EFNB2: variants seen among roughly 807,000 people sequenced by gnomAD.
EFNB2 encodes the protein ephrin B2, also known as ephrin-B2.
Under a neutral mutation model 32.1 loss-of-function variants are expected in EFNB2, and 5 were observed. The ratio of observed to expected loss-of-function variants is 0.16; its 90% CI spans 0.08 to 0.33. The LOEUF (loss-of-function observed/expected upper bound fraction) is 0.33, where lower values mean the gene tolerates loss of function less well. Ranked by LOEUF, EFNB2 falls within the 10% of genes least tolerant of loss-of-function variation. EFNB2 has a pLI of 1.00. For synonymous variants in EFNB2, 168 were observed against 166.5 expected (o/e 1.01, Z -0.07); for missense variants, 263 against 422.6 (o/e 0.62, Z 3.31).
rs1212264958 is a variant in EFNB2 at position 106,518,024 on chromosome 13, T to C, written c.123-5212A>G. The C allele has an allele frequency of 1.3e-5, 2 of 152,216 alleles. No homozygotes were observed. The highest frequency in any genetic ancestry group is 1.3e-4 in the Admixed American group (2 of 15,282). 9.4% of individuals were successfully genotyped at this position (152,216 alleles called of 1,614,324 possible). On this transcript the variant is annotated intron_variant, in intron 1 of 4. Transcript: ENST00000646441. This position sits in a 1 kb window ranked among gnomAD's most constrained non-coding sequence, Gnocchi z 4.1. ...TTTAGACATTTCAACTTCACAGTCA[T>C]AATTGTAAAAACTTTAAAAAATAGT... is the stretch of plus-strand genomic sequence containing the variant.
At chr13:106,526,406 C>T (rs755279938) in intron 1 of EFNB2, among the ~76,000 whole-genome samples, 3 of 152,104 alleles carry the variant, frequency 2.0e-5, no homozygotes, top group African/African-American at 7.2e-5. Context: ...TCAATCATGA[C>T]GTACCGTGTA....
intron 2 of EFNB2, among the ~76,000 whole-genome samples, chr13:106,507,898 T>A (rs1023303741): frequency 1.3e-5 from 2 of 152,248 alleles, no homozygotes; most frequent in African/African-American, 4.8e-5. Flanking sequence ...AAAAGCCATA[T>A]GAAGCTAAAT....
At position 106,493,442 on chromosome 13, in the gene EFNB2, G is replaced by A. The variant is rs751293497; in HGVS notation, c.614-14C>T. ...CTGTGCTAGAACCTGCAGACGCGGA[G>A]ACAGAAAAGGTCAGAGATAGTTACT... On this transcript the variant is annotated splice_polypyrimidine_tract_variant and intron_variant, in intron 4 of 4. Transcript: ENST00000646441. The surrounding 1 kb of genome is among the most constrained non-coding windows in gnomAD (Gnocchi z 6.1). 38 of 1,597,592 alleles carry A rather than the reference G, an allele frequency of 2.4e-5. No homozygotes were observed. The highest frequency in any genetic ancestry group is 3.1e-5 in the Non-Finnish European group (36 of 1,170,168).
Position 106,512,698 on chromosome 13 carries a change from A to G in EFNB2, c.237T>C (p.Tyr79=). ...TVGQYEYYKV[Y]MVDKDQADRC... is the part of the protein sequence containing the mutation. ...TGTCTGCTTGGTCTTTATCAACCAT[A>G]TAAACTTTATAATATTCATACTGGC... Residue 79 remains tyrosine (Y), a synonymous_variant, in exon 2 of 5, where the codon TAT becomes TAC. Coordinates refer to ENST00000646441, the MANE Select transcript of EFNB2 (RefSeq NM_004093.4). 6.2e-7 allele frequency: 1 copy of G among 1,613,846 alleles called. No individual in the cohort carries two copies. Among genetic ancestry groups the G allele is most frequent in the Non-Finnish European group, 8.5e-7 (1 of 1,179,950 alleles).
intron 1 of EFNB2, chr13:106,521,306 C>G (rs903890106): frequency 2.0e-5 from 3 of 152,184 alleles, no homozygotes; most frequent in Non-Finnish European, 4.4e-5. Context: ...CACAGAAATT[C>G]AAACACACGG....
intron 1 of EFNB2, among the ~76,000 whole-genome samples, chr13:106,530,191 C>G (rs1468357541): frequency 6.6e-6 from 1 of 152,058 alleles, no homozygotes. Context: ...CCAAGCTGTT[C>G]GGAACATGTC....
At chr13:106,501,715 C>T (rs1282681191) in intron 2 of EFNB2, among the ~76,000 whole-genome samples, 1 of 151,960 alleles carries the variant, frequency 6.6e-6, no homozygotes, top group Non-Finnish European at 1.5e-5. Context: ...GCCTCAGCCT[C>T]CCGAGTAGCT....
intron 2 of EFNB2, among the ~76,000 whole-genome samples, chr13:106,498,827 GA>G (rs1878677644): frequency 6.6e-6 from 1 of 152,180 alleles, no homozygotes; most frequent in Admixed American, 6.5e-5. Context: ...TGAACAGTCT[GA>G]ATGCAGACAG....
At chr13:106,534,019 T>A (rs1879970286) in intron 1 of EFNB2, among the ~76,000 whole-genome samples, 1 of 152,166 alleles carries the variant, frequency 6.6e-6, no homozygotes, top group Non-Finnish European at 1.5e-5. Context: ...AATCTGATCC[T>A]AAGGATCCCA....
Position 106,492,906 on chromosome 13 carries a change from C to T in EFNB2, c.*134G>A. ...AAGCTGTCCAGCGCGACGGGCTCTT[C>T]CGAGGAGGAGTGTCCCTCTCCCCCG... On this transcript the variant is annotated 3_prime_UTR_variant, in exon 5 of 5. Transcript: ENST00000646441. This position sits in a 1 kb window ranked among gnomAD's most constrained non-coding sequence, Gnocchi z 5.1. 8.0e-7 allele frequency: 1 copy of T among 1,245,216 alleles called. No individual in the cohort carries two copies. Among genetic ancestry groups the T allele is most frequent in the Non-Finnish European group, 1.1e-6 (1 of 909,182 alleles). 77.1% of individuals were successfully genotyped at this position (1,245,216 alleles called of 1,614,324 possible).
intron 3 of EFNB2, 49 bp from the exon 4 acceptor site, chr13:106,495,043 C>G (rs753705091): frequency 4.1e-6 from 6 of 1,457,952 alleles, no homozygotes; most frequent in Non-Finnish European, 3.9e-6. Context: ...CTGACAATAT[C>G]TAGCTTTAGG....
At chr13:106,532,697 A>G (rs956925789) in intron 1 of EFNB2, among the ~76,000 whole-genome samples, 2 of 152,084 alleles carry the variant, frequency 1.3e-5, no homozygotes, top group African/African-American at 4.8e-5. Context: ...TTTAAAAGAA[A>G]TGCTGCTGTG....
intron 1 of EFNB2, chr13:106,517,872 C>T (rs1019595977): frequency 6.6e-6 from 1 of 152,206 alleles, no homozygotes; most frequent in Non-Finnish European, 1.5e-5. Context: ...ACCTATTGAA[C>T]TTAAGCCAAG....
intron 1 of EFNB2, chr13:106,520,978 C>A (rs1251866624): frequency 1.3e-5 from 2 of 152,116 alleles, no homozygotes; most frequent in South Asian, 2.1e-4. Flanking sequence ...ATCTTCTCAG[C>A]GGCTTTAAAC....
At chr13:106,501,093 C>CAA (rs1187316619) in intron 2 of EFNB2, among the ~76,000 whole-genome samples, 5 of 152,168 alleles carry the variant, frequency 3.3e-5, no homozygotes, top group Non-Finnish European at 7.4e-5. Flanking sequence ...GACATCAATT[C>CAA]AAACTATGTA....
At position 106,517,989 on chromosome 13, in the gene EFNB2, T is replaced by A. The variant is rs957419030; in HGVS notation, c.123-5177A>T. 4 of 152,202 alleles carry A rather than the reference T, an allele frequency of 2.6e-5. No individual in the cohort carries two copies. The South Asian group carries it at 8.3e-4, about 31-fold the overall frequency. 9.4% of individuals were successfully genotyped at this position (152,202 alleles called of 1,614,324 possible). On this transcript the variant is annotated intron_variant, in intron 1 of 4. Coordinates refer to ENST00000646441, the MANE Select transcript of EFNB2 (RefSeq NM_004093.4). ...TAAATATTTAGTAATCTAAACTGGATCTCTAATAATTTAGACATTTCAACT... is the reference window on the plus strand; with the variant it reads ...TAAATATTTAGTAATCTAAACTGGAACTCTAATAATTTAGACATTTCAACT...
intron 1 of EFNB2, among the ~76,000 whole-genome samples, chr13:106,522,627 A>G (rs899950837): frequency 6.6e-6 from 1 of 152,232 alleles, no homozygotes; most frequent in Non-Finnish European, 1.5e-5. Flanking sequence ...ATCTAGAGTT[A>G]GGGAGAGCAT....
In EFNB2 at chr13:106,492,937, G is replaced by A. The variant is rs537317777; in HGVS notation, c.*103C>T. 1.7e-4 allele frequency: 244 copies of A among 1,445,630 alleles called. No homozygotes were observed. Among genetic ancestry groups the A allele is most frequent in the Non-Finnish European group, 2.1e-4 (226 of 1,075,990 alleles). 89.6% of individuals were successfully genotyped at this position (1,445,630 alleles called of 1,614,324 possible). On this transcript the variant is annotated 3_prime_UTR_variant, in exon 5 of 5. Coordinates refer to ENST00000646441, the MANE Select transcript of EFNB2 (RefSeq NM_004093.4). The surrounding 1 kb of genome is among the most constrained non-coding windows in gnomAD (Gnocchi z 5.1). ...AGGAGTGTCCCTCTCCCCCGGTGCT[G>A]TGCTTCAGTCAATTCTCCAGCACGC...
intron 2 of EFNB2, among the ~76,000 whole-genome samples, chr13:106,505,534 C>A (rs1878922662): frequency 6.6e-6 from 1 of 152,188 alleles, no homozygotes; most frequent in African/African-American, 2.4e-5. Flanking sequence ...AAACACTCAG[C>A]CCGAGATTTT....
Sources: allele counts gnomAD v4.1 joint callset (sites outside exome capture counted in the v4.1 genomes callset), GRCh38; gene constraint gnomAD v4.1.1; non-coding constraint Gnocchi (gnomAD v3.1); transcripts MANE v1.5; gene names NCBI Gene and HGNC (gene_info 2026-07-23, HGNC 2026-07-21).